DLG2: variants seen among roughly 807,000 people sequenced by gnomAD.
DLG2 encodes the protein disks large homolog 2.
In DLG2, 45 loss-of-function variants were observed where a neutral mutation model predicts 132.5. The observed-to-expected ratio is 0.34, with a 90% CI of 0.27 to 0.44. DLG2 has a LOEUF of 0.44. Among genes scored for constraint, DLG2 ranks in the 20% least tolerant of loss-of-function variants. DLG2 has a pLI of 1.00. For synonymous variants in DLG2, 424 were observed against 419.6 expected (o/e 1.01, Z -0.13); for missense variants, 1,045 against 1,196.9 (o/e 0.87, Z 1.87).
intron 6 of DLG2, among the ~76,000 whole-genome samples, chr11:84,560,096 T>C (rs2099422013): frequency 6.6e-6 from 1 of 152,078 alleles, no homozygotes; most frequent in East Asian, 1.9e-4. Context: ...GCATAATCTT[T>C]TTAGATTCTT....
chr11:84,175,229 G>T (rs761423858), intron 8 of DLG2, among the ~76,000 whole-genome samples: 8 of 152,004 alleles, frequency 5.3e-5, no homozygotes, highest in Non-Finnish European at 8.8e-5. Flanking sequence ...TATACTTGTG[G>T]TCTTCCTCTT....
At chr11:84,944,479 T>A (rs1250598986) in intron 6 of DLG2, among the ~76,000 whole-genome samples, 1 of 152,112 alleles carries the variant, frequency 6.6e-6, no homozygotes, top group African/African-American at 2.4e-5. Context: ...TCAAGCTCAC[T>A]AATTTTTTCT....
At chr11:84,200,022 A>G (rs1457768420) in intron 8 of DLG2, among the ~76,000 whole-genome samples, 3 of 152,112 alleles carry the variant, frequency 2.0e-5, no homozygotes, top group East Asian at 3.8e-4. Context: ...TTTAAAAAAG[A>G]AAGAAAATCC....
intron 6 of DLG2, among the ~76,000 whole-genome samples, chr11:84,588,965 C>T (rs1010245933): frequency 6.6e-6 from 1 of 152,016 alleles, no homozygotes. Flanking sequence ...TGGATTGGGA[C>T]CCCTTTCTGG....
At chr11:85,007,615 G>A (rs968115718) in intron 6 of DLG2, among the ~76,000 whole-genome samples, 2 of 139,058 alleles carry the variant, frequency 1.4e-5, no homozygotes, top group African/African-American at 2.7e-5. Context: ...GCAGTGAGCC[G>A]TGATTGGCCA....
chr11:84,030,432 C>G (rs769586168), intron 11 of DLG2, among the ~76,000 whole-genome samples: 45 of 152,230 alleles, frequency 3.0e-4, no homozygotes, highest in Admixed American at 7.2e-4. Context: ...AAAAGAAGAT[C>G]TCAAACTTGT....
chr11:85,145,567 A>C (rs1029445795), intron 5 of DLG2, among the ~76,000 whole-genome samples: 1 of 151,726 alleles, frequency 6.6e-6, no homozygotes, highest in Non-Finnish European at 1.5e-5. Flanking sequence ...CCTGTCTTCA[A>C]TCTCACCAAC....
At chr11:83,812,202 T>G (rs2047481957) in intron 17 of DLG2, among the ~76,000 whole-genome samples, 2 of 152,144 alleles carry the variant, frequency 1.3e-5, no homozygotes, top group Non-Finnish European at 2.9e-5. Flanking sequence ...TCTCCCCAGT[T>G]ACAGGGCATT....
chr11:85,573,207 T>A, intron 3 of DLG2, among the ~76,000 whole-genome samples: 1 of 152,170 alleles, frequency 6.6e-6, no homozygotes, highest in South Asian at 2.1e-4. Context: ...ATCTCTCTCA[T>A]TATAAATTAC....
chr11:84,682,199 T>C (rs371331077), intron 6 of DLG2, among the ~76,000 whole-genome samples: 2 of 152,242 alleles, frequency 1.3e-5, no homozygotes, highest in South Asian at 2.1e-4. Flanking sequence ...AATTTCAACA[T>C]GAGATTTGAA....
At chr11:84,383,138 C>T (rs980285108) in intron 7 of DLG2, among the ~76,000 whole-genome samples, 4 of 151,908 alleles carry the variant, frequency 2.6e-5, no homozygotes, top group Non-Finnish European at 4.4e-5. Flanking sequence ...GATCTGACCC[C>T]GACTTACCTT....
rs189957363 is a variant in DLG2, at chr11:83,900,535, A to G, written c.1497-26047T>C. Among the ~76,000 whole-genome samples, 56 of 152,326 alleles carry G rather than the reference A, an allele frequency of 3.7e-4. No homozygotes were observed. The East Asian group carries it at 5.4e-3, about 15-fold the overall frequency. On this transcript the variant is annotated intron_variant, in intron 15 of 27. Transcript: ENST00000376104. ...CTCTAGCCATGGCTAAAAGAGGCCA[A>G]CATAGAGCTTGGGCTGTGGCTTCTG...
At chr11:85,011,861 T>C (rs895053669) in intron 6 of DLG2, among the ~76,000 whole-genome samples, 1 of 152,178 alleles carries the variant, frequency 6.6e-6, no homozygotes, top group African/African-American at 2.4e-5. Context: ...AACAAAAGAA[T>C]ATATCATGTA....
chr11:84,008,982 T>C (rs2094729354), intron 11 of DLG2, among the ~76,000 whole-genome samples: 1 of 151,580 alleles, frequency 6.6e-6, no homozygotes, highest in South Asian at 2.1e-4. Context: ...CATGTACTAC[T>C]CAAACTACCT....
At chr11:83,779,939 G>T (rs1375346039) in intron 18 of DLG2, among the ~76,000 whole-genome samples, 1 of 152,112 alleles carries the variant, frequency 6.6e-6, no homozygotes, top group Admixed American at 6.6e-5. Context: ...CTAGAAAACT[G>T]GTCTTGTCCA....
At chr11:84,367,794 C>T (rs1232629714) in intron 7 of DLG2, among the ~76,000 whole-genome samples, 1 of 152,052 alleles carries the variant, frequency 6.6e-6, no homozygotes, top group Non-Finnish European at 1.5e-5. Context: ...TTCTCATCCT[C>T]CAGGACCTTA....
At chr11:84,072,155 C>G (rs1210210351) in intron 10 of DLG2, among the ~76,000 whole-genome samples, 1 of 152,226 alleles carries the variant, frequency 6.6e-6, no homozygotes, top group Non-Finnish European at 1.5e-5. Context: ...TTCTGTGGAA[C>G]ATAAATTGAA....
chr11:85,331,112 A>G (rs2081703834), intron 3 of DLG2, among the ~76,000 whole-genome samples: 1 of 152,204 alleles, frequency 6.6e-6, no homozygotes, highest in African/African-American at 2.4e-5. Context: ...GTTGACATTC[A>G]CTTTATTTTT....
intron 11 of DLG2, among the ~76,000 whole-genome samples, chr11:83,994,078 C>T (rs774191227): frequency 1.3e-5 from 2 of 152,068 alleles, no homozygotes; most frequent in African/African-American, 2.4e-5. Context: ...AGTACTCTCT[C>T]TCTCCACTGA....
Sources: allele counts gnomAD v4.1 joint callset (sites outside exome capture counted in the v4.1 genomes callset), GRCh38; gene constraint gnomAD v4.1.1; transcripts MANE v1.5; gene names NCBI Gene and HGNC (gene_info 2026-07-23, HGNC 2026-07-21).